The following PPM1L variants were observed in gnomAD, a reference collection of about 807,000 sequenced individuals.
PPM1L encodes the protein protein phosphatase, Mg2+/Mn2+ dependent 1L, also known as protein phosphatase 1L.
In PPM1L, 13 loss-of-function variants were observed where a neutral mutation model predicts 31.4. That is an observed-to-expected ratio of 0.41 (90% CI 0.27 to 0.66). PPM1L has a LOEUF of 0.66. Among genes scored for constraint, PPM1L ranks in the 30% least tolerant of loss-of-function variants. The pLI, the probability that PPM1L is intolerant of heterozygous loss-of-function variation, is 0.29. For synonymous variants in PPM1L, 184 were observed against 175.4 expected (o/e 1.05, Z -0.39); for missense variants, 326 against 453.7 (o/e 0.72, Z 2.56).
intron 1 of PPM1L, among the ~76,000 whole-genome samples, chr3:160,879,365 T>G (rs1712625976): frequency 6.6e-6 from 1 of 152,118 alleles, no homozygotes; most frequent in Non-Finnish European, 1.5e-5. Flanking sequence ...GATTAAGGTC[T>G]TTTTACCCTA....
At position 161,058,211 on chromosome 3, in the gene PPM1L, G is replaced by A. The variant is rs150704669; in HGVS notation, c.575-7192G>A. 3.0e-3 allele frequency among the ~76,000 whole-genome samples: 395 copies of A among 129,590 alleles called. 3 individuals are homozygous for A. Among genetic ancestry groups the A allele is most frequent in the African/African-American group, 0.012 (389 of 33,492 alleles). 85.0% of individuals were successfully genotyped at this position (129,590 alleles called of 152,430 possible). A position where few individuals can be genotyped will look rare whatever the true frequency, so the allele number is the denominator to read the frequency against. On this transcript the variant is annotated intron_variant, in intron 2 of 3. Coordinates refer to ENST00000498165, the MANE Select transcript of PPM1L (RefSeq NM_139245.4). Reference sequence around the variant, plus strand: ...ACGATCTTGGCTCACTGCAACCTCTGTCTCGCGGGCTCAAGCAATTCTCCT... The same window carrying A: ...ACGATCTTGGCTCACTGCAACCTCTATCTCGCGGGCTCAAGCAATTCTCCT...
At chr3:161,054,360 G>GA (rs1264732997) in intron 2 of PPM1L, among the ~76,000 whole-genome samples, 6 of 151,068 alleles carry the variant, frequency 4.0e-5, no homozygotes, top group Non-Finnish European at 7.4e-5. Flanking sequence ...CTCATTGACT[G>GA]ACCTTGTACT....
chr3:160,785,832 G>GTT (rs75150439), intron 1 of PPM1L, among the ~76,000 whole-genome samples: 18 of 120,148 alleles, frequency 1.5e-4, no homozygotes, highest in Admixed American at 4.9e-4. Context: ...GCGGTGCACT[G>GTT]TTTTTTTTTT....
intron 1 of PPM1L, among the ~76,000 whole-genome samples, chr3:160,898,092 A>T (rs1194006912): frequency 1.3e-5 from 2 of 152,202 alleles, no homozygotes; most frequent in African/African-American, 2.4e-5. Flanking sequence ...TTAATGAGTA[A>T]AAAGGACCTC....
chr3:161,031,501 C>CTTTTTTT, intron 2 of PPM1L, among the ~76,000 whole-genome samples: 1 of 59,680 alleles, frequency 1.7e-5, no homozygotes, highest in Non-Finnish European at 2.8e-5. Flanking sequence ...TGTATTCTGT[C>CTTTTTTT]CTTTTTTTTT....
At chr3:161,035,777 A>C (rs951911282) in intron 2 of PPM1L, 4 of 152,214 alleles carry the variant, frequency 2.6e-5, no homozygotes, top group African/African-American at 9.7e-5. Context: ...CCAATAGATG[A>C]CTTTGTTATT....
chr3:161,013,693 T>C (rs1486602278), intron 2 of PPM1L, among the ~76,000 whole-genome samples: 1 of 152,202 alleles, frequency 6.6e-6, no homozygotes, highest in Non-Finnish European at 1.5e-5. Context: ...ACTTGCTTTA[T>C]GAATCTGGGT....
intron 2 of PPM1L, among the ~76,000 whole-genome samples, chr3:161,013,518 G>A (rs1053895372): frequency 6.6e-6 from 1 of 152,196 alleles, no homozygotes; most frequent in Non-Finnish European, 1.5e-5. Flanking sequence ...GGGGTGGAGA[G>A]TTCTGTAGAT....
intron 1 of PPM1L, among the ~76,000 whole-genome samples, chr3:160,807,531 A>T (rs1712640760): frequency 6.6e-6 from 1 of 152,096 alleles, no homozygotes; most frequent in African/African-American, 2.4e-5. Context: ...TTTGTTTTAT[A>T]TTGGGACCAC....
intron 1 of PPM1L, among the ~76,000 whole-genome samples, chr3:160,771,712 T>G (rs1004716905): frequency 6.6e-6 from 1 of 151,948 alleles, no homozygotes; most frequent in African/African-American, 2.4e-5. Context: ...ATTTTTGTAG[T>G]CAGTTTTAGG....
intron 1 of PPM1L, among the ~76,000 whole-genome samples, chr3:160,880,200 T>A (rs943277630): frequency 3.9e-5 from 6 of 152,180 alleles, no homozygotes; most frequent in African/African-American, 1.4e-4. Flanking sequence ...CATTTTTTTT[T>A]ATCTTTTAAC....
chr3:161,059,256 T>C (rs1719506096), intron 2 of PPM1L, among the ~76,000 whole-genome samples: 1 of 152,124 alleles, frequency 6.6e-6, no homozygotes, highest in African/African-American at 2.4e-5. Flanking sequence ...CCATATGTTA[T>C]TTGCACTGGA....
chr3:161,019,343 G>A (rs551408203), intron 2 of PPM1L, among the ~76,000 whole-genome samples: 17 of 149,046 alleles, frequency 1.1e-4, no homozygotes, highest in East Asian at 3.9e-4. Flanking sequence ...ATAGGCATGC[G>A]CCACCATGCC....
intron 1 of PPM1L, among the ~76,000 whole-genome samples, chr3:160,771,281 A>T (rs1428323096): frequency 6.6e-6 from 1 of 151,824 alleles, no homozygotes; most frequent in Non-Finnish European, 1.5e-5. Context: ...TTTTTGAGAC[A>T]GGTCTCACTC....
chr3:160,757,190 A>C (rs544479190), intron 1 of PPM1L, among the ~76,000 whole-genome samples: 10 of 152,332 alleles, frequency 6.6e-5, no homozygotes, highest in African/African-American at 2.4e-4. Flanking sequence ...GGGTGAAGGA[A>C]GCTGTGACTC....
At chr3:160,858,370 C>CTG (rs1711789670) in intron 1 of PPM1L, among the ~76,000 whole-genome samples, 1 of 152,114 alleles carries the variant, frequency 6.6e-6, no homozygotes, top group Non-Finnish European at 1.5e-5. Context: ...CCTCAGCCTC[C>CTG]TGAGTAGCTA....
intron 1 of PPM1L, among the ~76,000 whole-genome samples, chr3:160,757,110 A>C (rs1714830797): frequency 6.6e-6 from 1 of 152,204 alleles, no homozygotes; most frequent in Admixed American, 6.5e-5. Context: ...TGAACTAGGC[A>C]CAGAGAAGGA....
chr3:161,053,022 T>C (rs1719320849), intron 2 of PPM1L, among the ~76,000 whole-genome samples: 1 of 152,176 alleles, frequency 6.6e-6, no homozygotes, highest in Admixed American at 6.5e-5. Flanking sequence ...TAGTTATAAT[T>C]TGCTGGGAAC....
chr3:160,774,715 G>A (rs965283312), intron 1 of PPM1L, among the ~76,000 whole-genome samples: 2 of 152,234 alleles, frequency 1.3e-5, no homozygotes, highest in Admixed American at 1.3e-4. Flanking sequence ...CCATGGGGAA[G>A]AGGATGTCTT....
Sources: gnomAD v4.1 joint callset for allele counts (sites outside exome capture counted in the v4.1 genomes callset) on GRCh38, gnomAD v4.1.1 for gene constraint, MANE v1.5 for transcripts, NCBI Gene and HGNC (gene_info 2026-07-23, HGNC 2026-07-21) for gene names.